Variants in PDK1 observed in about 807,000 individuals in gnomAD.
PDK1 encodes the protein pyruvate dehydrogenase kinase 1.
Under a neutral mutation model 54.2 loss-of-function variants are expected in PDK1, and 39 were observed. The ratio of observed to expected loss-of-function variants is 0.72; its 90% CI spans 0.56 to 0.94. The LOEUF (loss-of-function observed/expected upper bound fraction) is 0.94, where lower values mean the gene tolerates loss of function less well. PDK1 is among the 40% of genes least tolerant of loss of function. PDK1 has a pLI of 0.00. For missense variants in PDK1, 552 were observed against 566.0 expected (o/e 0.98, Z 0.25); for synonymous variants, 221 against 207.1 (o/e 1.07, Z -0.58).
chr2:172,581,674 G>T (rs576455780), intron 8 of PDK1, among the ~76,000 whole-genome samples: 2 of 152,160 alleles, frequency 1.3e-5, no homozygotes. Flanking sequence ...TTTTTCTTCA[G>T]TCGAGCTTTG....
intron 1 of PDK1, among the ~76,000 whole-genome samples, chr2:172,557,391 A>G (rs560542917): frequency 1.5e-4 from 23 of 152,232 alleles, no homozygotes; most frequent in African/African-American, 5.3e-4. Context: ...GAATAATAAG[A>G]CCTTTTAGTT....
Position 172,586,052 on chromosome 2 carries a change from G to A in PDK1, c.946-226G>A, listed in dbSNP as rs575864329. On this transcript the variant is annotated intron_variant, in intron 8 of 10. Transcript: ENST00000282077. Reference sequence around the variant, plus strand: ...CAGGCGCCTGTAGTCCCAGTTACTCGGGAGGCTGAGGCAGGAGAATGGCAT... The same window carrying A: ...CAGGCGCCTGTAGTCCCAGTTACTCAGGAGGCTGAGGCAGGAGAATGGCAT... 4.0e-5 allele frequency among the ~76,000 whole-genome samples: 6 copies of A among 151,866 alleles called. No individual in the cohort carries two copies. The East Asian group carries it at 7.8e-4, about 20-fold the overall frequency.
At chr2:172,625,832 A>G in the PDK1 span, among the ~76,000 whole-genome samples, 1 of 152,208 alleles carries the variant, frequency 6.6e-6, no homozygotes, top group African/African-American at 2.4e-5. Context: ...ATATGTAGGT[A>G]TATTTTATGT....
the PDK1 span, among the ~76,000 whole-genome samples, chr2:172,708,731 A>T: frequency 1.3e-5 from 2 of 152,220 alleles, no homozygotes; most frequent in Non-Finnish European, 2.9e-5. Context: ...ATGGGACCCA[A>T]GTCTAAACAC....
Position 172,583,281 on chromosome 2 carries a change from G to GTTTTTTTTT in PDK1, c.946-2974_946-2966dup, listed in dbSNP as rs1175087926. The stretch of plus-strand genomic sequence containing the variant: ...CATAATGCTGCATAAAAGTTTTCTG[G>GTTTTTTTTT]TTTTTTTTTTTTTTTTTTTTTTTTT... On this transcript the variant is annotated intron_variant, in intron 8 of 10. Coordinates refer to ENST00000282077, the MANE Select transcript of PDK1 (RefSeq NM_002610.5). Among the ~76,000 whole-genome samples, 291 of 77,072 alleles carry GTTTTTTTTT rather than the reference G, an allele frequency of 3.8e-3. 52 individuals carry two copies. The highest frequency in any genetic ancestry group is 0.014 in the African/African-American group (266 of 18,476). 50.6% of individuals were successfully genotyped at this position (77,072 alleles called of 152,430 possible).
chr2:172,688,621 A>G, the PDK1 span, among the ~76,000 whole-genome samples: 3 of 152,210 alleles, frequency 2.0e-5, no homozygotes, highest in African/African-American at 7.2e-5. Flanking sequence ...ATAAAGGAGG[A>G]GGGAGCAGGA....
chr2:172,664,326 A>AAAAAAAAC, the PDK1 span, among the ~76,000 whole-genome samples: 1 of 150,452 alleles, frequency 6.6e-6, no homozygotes, highest in African/African-American at 2.4e-5. Context: ...AAAAAAAAAA[A>AAAAAAAAC]AAAAAAAAGC....
the PDK1 span, among the ~76,000 whole-genome samples, chr2:172,629,807 G>A: frequency 3.1e-4 from 47 of 152,154 alleles, 1 homozygote; most frequent in Non-Finnish European, 6.5e-4. Context: ...TGCTCCTGCC[G>A]ATTGGCCAGA....
chr2:172,578,985 G>A (rs561447623), intron 8 of PDK1, among the ~76,000 whole-genome samples: 60 of 152,232 alleles, frequency 3.9e-4, no homozygotes, highest in Admixed American at 3.1e-3. Flanking sequence ...GGTCCTGCTC[G>A]CATAGAGCAA....
At chr2:172,578,038 T>C (rs796820125) in intron 8 of PDK1, among the ~76,000 whole-genome samples, 9 of 152,334 alleles carry the variant, frequency 5.9e-5, no homozygotes, top group African/African-American at 9.6e-5. Flanking sequence ...TCTCAGTTTT[T>C]GCTTATCTGG....
rs1319201821 is a variant in PDK1, at chr2:172,603,235, G to A, written c.*7266G>A. On this transcript the variant is annotated 3_prime_UTR_variant, in exon 11 of 11. Coordinates refer to ENST00000282077, the MANE Select transcript of PDK1 (RefSeq NM_002610.5). ...CTGGAAAGACGAGACCAGTTACAGA[G>A]CAAATGGCAAGACAGATCTGGTAAT... 6.6e-6 allele frequency: 1 copy of A among 152,196 alleles called. No homozygotes were observed. Among genetic ancestry groups the A allele is most frequent in the Non-Finnish European group, 1.5e-5 (1 of 68,050 alleles). The allele number at this position is 152,196 out of a possible 1,614,324, so 9.4% of individuals were successfully genotyped here. A position where few individuals can be genotyped will look rare whatever the true frequency, so the allele number is the denominator to read the frequency against.
At chr2:172,565,437 G>A (rs1688883276) in intron 5 of PDK1, among the ~76,000 whole-genome samples, 1 of 152,022 alleles carries the variant, frequency 6.6e-6, no homozygotes. Flanking sequence ...CCCAGTAGCC[G>A]GGATTACAGA....
At chr2:172,665,910 A>G in the PDK1 span, among the ~76,000 whole-genome samples, 5 of 152,162 alleles carry the variant, frequency 3.3e-5, no homozygotes, top group East Asian at 5.8e-4. Flanking sequence ...TCACTCAGAC[A>G]TAACACCTGG....
At chr2:172,567,920 G>T (rs921256518) in intron 6 of PDK1, among the ~76,000 whole-genome samples, 1 of 152,198 alleles carries the variant, frequency 6.6e-6, no homozygotes, top group Non-Finnish European at 1.5e-5. Flanking sequence ...TTTAAATGTA[G>T]AATTAATTAC....
rs1691094401 is a variant in PDK1, at chr2:172,600,915, C to T, written c.*4946C>T. On this transcript the variant is annotated 3_prime_UTR_variant, in exon 11 of 11. Transcript: ENST00000282077. ...ATACATCTTGCAGCTGCAGGCATCC[C>T]CCCGGTCTGCTTTTAGCTTCCTTAT... 6.6e-6 allele frequency: 1 copy of T among 152,118 alleles called. No individual in the cohort carries two copies. The highest frequency in any genetic ancestry group is 2.1e-4 in the South Asian group (1 of 4,812). The allele number at this position is 152,118 out of a possible 1,614,324, so 9.4% of individuals were successfully genotyped here. A position where few individuals can be genotyped will look rare whatever the true frequency, so the allele number is the denominator to read the frequency against.
chr2:172,697,915 G>T, the PDK1 span, among the ~76,000 whole-genome samples: 1 of 152,124 alleles, frequency 6.6e-6, no homozygotes, highest in Non-Finnish European at 1.5e-5. Context: ...AATTTAAAAT[G>T]GTGTCCATAG....
chr2:172,647,771 G>T, the PDK1 span, among the ~76,000 whole-genome samples: 1 of 152,156 alleles, frequency 6.6e-6, no homozygotes, highest in Non-Finnish European at 1.5e-5. Context: ...AATTTGATGA[G>T]AAACAGAATA....
intron 10 of PDK1, among the ~76,000 whole-genome samples, chr2:172,595,442 TAG>T (rs1690838738): frequency 6.6e-6 from 1 of 152,252 alleles, no homozygotes; most frequent in South Asian, 2.1e-4. Context: ...ATAATTAAAA[TAG>T]AGTTCATTAA....
the PDK1 span, among the ~76,000 whole-genome samples, chr2:172,699,478 C>CTTTTTTTTTTTT: frequency 7.7e-6 from 1 of 130,236 alleles, no homozygotes; most frequent in Admixed American, 7.6e-5. Context: ...CCTCATCTGA[C>CTTTTTTTTTTTT]TTTTTTTTTT....
Sources: gnomAD v4.1 joint callset for allele counts (sites outside exome capture counted in the v4.1 genomes callset) on GRCh38, gnomAD v4.1.1 for gene constraint, MANE v1.5 for transcripts, NCBI Gene and HGNC (gene_info 2026-07-23, HGNC 2026-07-21) for gene names.